TBC1D22A: variants seen among roughly 807,000 people sequenced by gnomAD.
TBC1D22A encodes the protein TBC1 domain family member 22A.
Under a neutral mutation model 60.2 loss-of-function variants are expected in TBC1D22A, and 38 were observed. The observed-to-expected ratio is 0.63, with a 90% CI of 0.49 to 0.83. TBC1D22A has a LOEUF of 0.83. Among genes scored for constraint, TBC1D22A ranks in the 40% least tolerant of loss-of-function variants. The probability of loss-of-function intolerance (pLI) is 0.00; values close to 1 mark genes in which losing one functional copy is unlikely to be tolerated. For synonymous variants in TBC1D22A, 302 were observed against 281.7 expected (o/e 1.07, Z -0.72); for missense variants, 628 against 701.0 (o/e 0.90, Z 1.18).
At chr22:47,135,702 T>A (rs2066840372) in intron 12 of TBC1D22A, among the ~76,000 whole-genome samples, 1 of 152,240 alleles carries the variant, frequency 6.6e-6, no homozygotes, top group African/African-American at 2.4e-5. Context: ...CCAGAGATCC[T>A]GGTGCCTAGA....
intron 12 of TBC1D22A, among the ~76,000 whole-genome samples, chr22:47,149,233 T>TG (rs2067405340): frequency 6.6e-6 from 1 of 152,206 alleles, no homozygotes; most frequent in African/African-American, 2.4e-5. Context: ...GGACAGGCTC[T>TG]GCTGGCCTGT....
chr22:46,845,761 A>G (rs1397462699), intron 4 of TBC1D22A, among the ~76,000 whole-genome samples: 2 of 152,254 alleles, frequency 1.3e-5, no homozygotes, highest in Non-Finnish European at 2.9e-5. Flanking sequence ...CCTTAAAATC[A>G]TTATGCTCAA....
At chr22:47,146,877 C>G (rs1482316582) in intron 12 of TBC1D22A, among the ~76,000 whole-genome samples, 1 of 152,248 alleles carries the variant, frequency 6.6e-6, no homozygotes. Flanking sequence ...AGAGGGCTGT[C>G]TGCCCACCCG....
intron 11 of TBC1D22A, among the ~76,000 whole-genome samples, chr22:47,081,646 C>T: frequency 6.6e-6 from 1 of 152,252 alleles, no homozygotes; most frequent in East Asian, 1.9e-4. Context: ...AAATGTATTT[C>T]TGTATATTAG....
chr22:46,809,184 C>T (rs1424522010), intron 4 of TBC1D22A, among the ~76,000 whole-genome samples: 1 of 152,194 alleles, frequency 6.6e-6, no homozygotes, highest in African/African-American at 2.4e-5. Context: ...CCGGGAAGGG[C>T]TCTCCTCCCG....
chr22:46,847,126 C>T (rs1277796358), intron 4 of TBC1D22A, among the ~76,000 whole-genome samples: 14 of 152,224 alleles, frequency 9.2e-5, no homozygotes, highest in Admixed American at 9.2e-4. Context: ...AAAACCAGTT[C>T]TGCGGTGACC....
chr22:47,082,501 A>G (rs1213473534), intron 11 of TBC1D22A, among the ~76,000 whole-genome samples: 1 of 152,254 alleles, frequency 6.6e-6, no homozygotes, highest in East Asian at 1.9e-4. Flanking sequence ...CAAAGTACCC[A>G]TATCCAGGAT....
intron 8 of TBC1D22A, among the ~76,000 whole-genome samples, chr22:46,948,460 G>C (rs559904249): frequency 4.2e-4 from 64 of 152,358 alleles, no homozygotes; most frequent in African/African-American, 1.5e-3. Flanking sequence ...GGGTGCCCAT[G>C]GGGGTAGAGT....
chr22:46,888,284 A>G (rs994685230), intron 5 of TBC1D22A, among the ~76,000 whole-genome samples: 5 of 152,166 alleles, frequency 3.3e-5, no homozygotes, highest in African/African-American at 1.2e-4. Context: ...TCCGGACCAC[A>G]AGGGTTGGGC....
intron 1 of TBC1D22A, among the ~76,000 whole-genome samples, chr22:46,768,408 A>C (rs545238878): frequency 8.0e-5 from 12 of 150,090 alleles, no homozygotes; most frequent in South Asian, 2.1e-4. Context: ...TCGCTTGAAC[A>C]CAGGAGGCAG....
intron 4 of TBC1D22A, among the ~76,000 whole-genome samples, chr22:46,862,921 A>G (rs1263157997): frequency 6.6e-6 from 1 of 152,214 alleles, no homozygotes; most frequent in African/African-American, 2.4e-5. Flanking sequence ...TTTCTAAATT[A>G]AAATTTCTGT....
intron 10 of TBC1D22A, among the ~76,000 whole-genome samples, chr22:47,000,248 G>A (rs567831661): frequency 3.3e-5 from 5 of 152,104 alleles, no homozygotes; most frequent in Non-Finnish European, 7.3e-5. Context: ...GCGAGGATAA[G>A]GGCTCATCAG....
intron 4 of TBC1D22A, among the ~76,000 whole-genome samples, chr22:46,839,021 A>G (rs1338637747): frequency 6.6e-6 from 1 of 152,242 alleles, no homozygotes; most frequent in Non-Finnish European, 1.5e-5. Flanking sequence ...GACAGTAAAA[A>G]GAAATAAAAG....
chr22:46,894,921 C>T (rs756510454), intron 7 of TBC1D22A, 75 bp downstream of exon 7: 162 of 1,547,490 alleles, frequency 1.0e-4, no homozygotes, highest in Middle Eastern at 6.9e-4. Context: ...AGACAGTGGG[C>T]GCAGCCGGAG....
intron 10 of TBC1D22A, among the ~76,000 whole-genome samples, chr22:47,001,911 G>C (rs2061422072): frequency 6.6e-6 from 1 of 152,142 alleles, no homozygotes; most frequent in Non-Finnish European, 1.5e-5. Flanking sequence ...ATAGAATTAG[G>C]ATGTCGCCTA....
chr22:47,023,049 T>C (rs1397203740), intron 10 of TBC1D22A, among the ~76,000 whole-genome samples: 6 of 152,230 alleles, frequency 3.9e-5, no homozygotes, highest in Non-Finnish European at 8.8e-5. Flanking sequence ...CAATCATAAC[T>C]GACCCAGAAA....
chr22:47,145,900 G>A (rs924411934), intron 12 of TBC1D22A, among the ~76,000 whole-genome samples: 1 of 152,340 alleles, frequency 6.6e-6, no homozygotes, highest in Non-Finnish European at 1.5e-5. Flanking sequence ...GTGTGGGGAC[G>A]CACTGGATTG....
chr22:46,962,936 G>A (rs1028151194), intron 8 of TBC1D22A, among the ~76,000 whole-genome samples: 5 of 151,790 alleles, frequency 3.3e-5, no homozygotes, highest in Non-Finnish European at 7.4e-5. Flanking sequence ...TGCCTGGGCC[G>A]GGTGCAGTGG....
chr22:46,789,405 C>G (rs2084309073), intron 1 of TBC1D22A: 1 of 459,524 alleles, frequency 2.2e-6, no homozygotes, highest in African/African-American at 2.0e-5. Context: ...GGTTTCTGTG[C>G]TCCTGTGACA....
Sources: gnomAD v4.1 joint callset for allele counts (sites outside exome capture counted in the v4.1 genomes callset) on GRCh38, gnomAD v4.1.1 for gene constraint, MANE v1.5 for transcripts, NCBI Gene and HGNC (gene_info 2026-07-23, HGNC 2026-07-21) for gene names.